The following NUBPL variants were observed in gnomAD, a reference collection of about 807,000 sequenced individuals.
The protein encoded by NUBPL is NUBP iron-sulfur cluster assembly factor, mitochondrial.
A neutral mutation model predicts 45.7 loss-of-function variants in NUBPL; 31 were observed. The observed-to-expected ratio is 0.68, with a 90% CI of 0.51 to 0.92. The LOEUF (loss-of-function observed/expected upper bound fraction) is 0.92, where lower values mean the gene tolerates loss of function less well. NUBPL is among the 40% of genes least tolerant of loss of function. The pLI, the probability that NUBPL is intolerant of heterozygous loss-of-function variation, is 0.00. For missense variants in NUBPL, 401 were observed against 398.7 expected (o/e 1.01, Z -0.05); for synonymous variants, 144 against 140.9 (o/e 1.02, Z -0.15).
intron 6 of NUBPL, among the ~76,000 whole-genome samples, chr14:31,691,420 G>GT (rs759575829): frequency 2.6e-5 from 4 of 152,190 alleles, no homozygotes; most frequent in Middle Eastern, 3.2e-3. Flanking sequence ...TATTAGTAAA[G>GT]TTTTTTGGGA....
chr14:31,668,420 C>G (rs1445047201), intron 4 of NUBPL, among the ~76,000 whole-genome samples: 1 of 152,168 alleles, frequency 6.6e-6, no homozygotes, highest in Non-Finnish European at 1.5e-5. Context: ...GTGCCAAGCT[C>G]TATTGTCCCA....
intron 7 of NUBPL, among the ~76,000 whole-genome samples, chr14:31,820,122 A>C (rs2039990544): frequency 6.9e-6 from 1 of 145,902 alleles, no homozygotes; most frequent in South Asian, 2.2e-4. Flanking sequence ...CCTGGGCAAC[A>C]GAGCGAGACT....
chr14:31,706,282 A>G (rs2037450369), intron 6 of NUBPL, among the ~76,000 whole-genome samples: 1 of 152,156 alleles, frequency 6.6e-6, no homozygotes, highest in African/African-American at 2.4e-5. Context: ...GGAGCTCTTT[A>G]GGCCAGTGGA....
At chr14:31,682,596 C>T (rs928041844) in intron 6 of NUBPL, among the ~76,000 whole-genome samples, 12 of 151,760 alleles carry the variant, frequency 7.9e-5, no homozygotes, top group South Asian at 2.1e-4. Context: ...TTTTTTCTTA[C>T]GTTCTTTGAA....
chr14:31,623,387 G>A (rs1301198512), intron 4 of NUBPL, among the ~76,000 whole-genome samples: 3 of 152,336 alleles, frequency 2.0e-5, no homozygotes, highest in Non-Finnish European at 4.4e-5. Flanking sequence ...GGGACTGTTA[G>A]GAAGGCATGA....
At chr14:31,699,061 G>T (rs999504960) in intron 6 of NUBPL, among the ~76,000 whole-genome samples, 1 of 152,074 alleles carries the variant, frequency 6.6e-6, no homozygotes, top group Non-Finnish European at 1.5e-5. Context: ...CGCCATGTTG[G>T]TCAGGCTTGT....
At chr14:31,759,329 T>G (rs2038746118) in intron 6 of NUBPL, among the ~76,000 whole-genome samples, 1 of 152,118 alleles carries the variant, frequency 6.6e-6, no homozygotes, top group Non-Finnish European at 1.5e-5. Flanking sequence ...ACTTCTCTTT[T>G]GGAATTACCT....
chr14:31,703,918 A>C (rs986085638), intron 6 of NUBPL, among the ~76,000 whole-genome samples: 1 of 136,456 alleles, frequency 7.3e-6, no homozygotes, highest in Non-Finnish European at 1.7e-5. Context: ...ACAGCTGCCA[A>C]ATTATCATTT....
intron 6 of NUBPL, among the ~76,000 whole-genome samples, chr14:31,722,622 A>G (rs912583047): frequency 6.6e-6 from 1 of 151,824 alleles, no homozygotes; most frequent in African/African-American, 2.4e-5. Context: ...TGACATTTTA[A>G]TGCCATTCTG....
chr14:31,767,296 G>A lies in NUBPL; in HGVS notation c.514-20484G>A, dbSNP rs373583021. Among the ~76,000 whole-genome samples, 7 of 152,178 alleles carry A rather than the reference G, an allele frequency of 4.6e-5. No homozygotes were observed. The South Asian group carries it at 1.5e-3, about 32-fold the overall frequency. Reference sequence around the variant, plus strand: ...CGGCTCACTGCAAGCTCTGCCTCCCGGGTTCAAGCCATTCTCCTGCCTTAG... The same window carrying A: ...CGGCTCACTGCAAGCTCTGCCTCCCAGGTTCAAGCCATTCTCCTGCCTTAG... On this transcript the variant is annotated intron_variant, in intron 6 of 10. Coordinates refer to ENST00000281081, the MANE Select transcript of NUBPL (RefSeq NM_025152.3).
intron 3 of NUBPL, among the ~76,000 whole-genome samples, chr14:31,585,370 T>A (rs1008565957): frequency 6.6e-6 from 1 of 152,226 alleles, no homozygotes; most frequent in Non-Finnish European, 1.5e-5. Context: ...ATAGTGTATT[T>A]GGTACTTCAT....
chr14:31,685,572 G>T (rs2036934347), intron 6 of NUBPL, among the ~76,000 whole-genome samples: 1 of 152,070 alleles, frequency 6.6e-6, no homozygotes, highest in African/African-American at 2.4e-5. Flanking sequence ...TGAAGAGGCA[G>T]TGAAAATTAT....
chr14:31,741,465 T>C (rs1273535485), intron 6 of NUBPL, among the ~76,000 whole-genome samples: 2 of 152,196 alleles, frequency 1.3e-5, no homozygotes, highest in Non-Finnish European at 2.9e-5. Flanking sequence ...GGCTGGGTTC[T>C]GGTAAACTAG....
At chr14:31,748,156 G>C (rs2038441673) in intron 6 of NUBPL, among the ~76,000 whole-genome samples, 1 of 152,198 alleles carries the variant, frequency 6.6e-6, no homozygotes, top group Admixed American at 6.5e-5. Flanking sequence ...GTTGTGATCA[G>C]AGGAGATAGT....
Position 31,742,051 on chromosome 14 carries a change from G to C in NUBPL, c.514-45729G>C, listed in dbSNP as rs568174453. ...TCTCCCTCCCCCTAAAAAAGCCTAA[G>C]ACAGAAGATACACTTCAATAAATGC... On this transcript the variant is annotated intron_variant, in intron 6 of 10. Transcript: ENST00000281081. 5.3e-5 allele frequency among the ~76,000 whole-genome samples: 8 copies of C among 151,968 alleles called. No individual in the cohort carries two copies. The South Asian group carries it at 1.7e-3, about 32-fold the overall frequency.
chr14:31,754,924 C>G (rs1376667652), intron 6 of NUBPL, among the ~76,000 whole-genome samples: 1 of 130,482 alleles, frequency 7.7e-6, no homozygotes, highest in Non-Finnish European at 1.6e-5. Flanking sequence ...GTTCAATTCC[C>G]ATCTATGAGT....
Position 31,650,964 on chromosome 14 carries a change from A to G in NUBPL, c.383-22391A>G, listed in dbSNP as rs1484959546. On this transcript the variant is annotated intron_variant, in intron 4 of 10. Coordinates refer to ENST00000281081, the MANE Select transcript of NUBPL (RefSeq NM_025152.3). Reference sequence around the variant, plus strand: ...AGCACACATAGGAACTAATAGAGATAGAGCTTACTCATTACCATGAGGATA... The same window carrying G: ...AGCACACATAGGAACTAATAGAGATGGAGCTTACTCATTACCATGAGGATA... Among the ~76,000 whole-genome samples the G allele has an allele frequency of 3.9e-5, 6 of 152,192 alleles. No homozygotes were observed. In the South Asian group the frequency reaches 8.3e-4, roughly 21 times the overall value.
intron 6 of NUBPL, among the ~76,000 whole-genome samples, chr14:31,742,769 ATTTTT>A (rs34130229): frequency 2.2e-5 from 3 of 136,376 alleles, no homozygotes; most frequent in African/African-American, 8.1e-5. Flanking sequence ...AACCCAGCTG[ATTTTT>A]TTTTTTTTTT....
intron 7 of NUBPL, among the ~76,000 whole-genome samples, chr14:31,822,430 T>C (rs2040033084): frequency 6.6e-6 from 1 of 152,168 alleles, no homozygotes; most frequent in African/African-American, 2.4e-5. Context: ...TATTTTCTTA[T>C]AAAATTTGAA....
Sources: gnomAD v4.1 joint callset for allele counts (sites outside exome capture counted in the v4.1 genomes callset) on GRCh38, gnomAD v4.1.1 for gene constraint, MANE v1.5 for transcripts, NCBI Gene and HGNC (gene_info 2026-07-23, HGNC 2026-07-21) for gene names.